The following SUPT7L variants were observed in gnomAD, a reference collection of about 807,000 sequenced individuals.
The protein encoded by SUPT7L is SPT7 like, STAGA complex subunit gamma.
A neutral mutation model predicts 35.7 loss-of-function variants in SUPT7L; 15 were observed. That is an observed-to-expected ratio of 0.42 (90% CI 0.28 to 0.65). The LOEUF is 0.65. Ranked by LOEUF, SUPT7L falls within the 30% of genes least tolerant of loss-of-function variation. The pLI is 0.23. For missense variants in SUPT7L, 434 were observed against 522.2 expected (o/e 0.83, Z 1.65); for synonymous variants, 168 against 186.2 (o/e 0.90, Z 0.79).
chr2:27,646,558 C>T (rs901523605), downstream of SUPT7L, among the ~76,000 whole-genome samples: 2 of 152,030 alleles, frequency 1.3e-5, no homozygotes, highest in African/African-American at 2.4e-5. Context: ...TTTTCATTTA[C>T]AGCCCACCTT....
chr2:27,648,404 A>G (rs1026593712), downstream of SUPT7L, among the ~76,000 whole-genome samples: 2 of 152,012 alleles, frequency 1.3e-5, no homozygotes, highest in Admixed American at 1.3e-4. Context: ...CTGTAGTTCA[A>G]GCTGTTTGGG....
intron 4 of SUPT7L, among the ~76,000 whole-genome samples, chr2:27,656,655 CAG>C (rs1434219845): frequency 6.7e-6 from 1 of 150,184 alleles, no homozygotes; most frequent in African/African-American, 2.5e-5. Flanking sequence ...TTTTTTCAGA[CAG>C]GGTCTTGCTC....
downstream of SUPT7L, chr2:27,650,771 A>G (rs1674493367): frequency 6.5e-6 from 1 of 152,828 alleles, no homozygotes; most frequent in African/African-American, 2.4e-5. Context: ...GTTTGTTGAA[A>G]AAAGTGGGCA....
the SUPT7L span, chr2:27,642,598 C>A: frequency 1.1e-6 from 1 of 886,612 alleles, no homozygotes; most frequent in Non-Finnish European, 1.8e-6. Flanking sequence ...ATTTTTGAGA[C>A]GGAGTTTCAC....
At chr2:27,648,376 G>A (rs1318727724), downstream of SUPT7L, among the ~76,000 whole-genome samples, 1 of 152,010 alleles carries the variant, frequency 6.6e-6, no homozygotes, top group African/African-American at 2.4e-5. Flanking sequence ...AAAAATAGCT[G>A]GGCATGGTTA....
Position 27,661,173 on chromosome 2 carries a change from C to T in SUPT7L, c.230G>A (p.Arg77His), listed in dbSNP as rs367572958. The T allele has an allele frequency of 3.6e-5, 58 of 1,613,926 alleles. No homozygotes were observed. Among genetic ancestry groups the T allele is most frequent in the Non-Finnish European group, 4.6e-5 (54 of 1,180,026 alleles). The change falls in exon 3 of 6, where the codon CGC becomes CAC. Residue 77 changes from arginine (R) to histidine (H), a missense_variant. Physicochemically the swap from Arg to His is conservative, Grantham distance 29. This residue lies in a region of SUPT7L where 77 missense variants were observed against 114.4 expected (regional missense o/e 0.67). Transcript: ENST00000337768. The stretch of plus-strand genomic sequence containing the variant: ...GGCCTGAGCTGTGGCAATAAGGTTG[C>T]GAAGACGTCGGTTGTGCTGAATCAA... ...IQLIQHNRRL[R>H]NLIATAQAQN...
At chr2:27,654,516 A>G (rs1461291773) in intron 5 of SUPT7L, among the ~76,000 whole-genome samples, 1 of 152,166 alleles carries the variant, frequency 6.6e-6, no homozygotes, top group Admixed American at 6.5e-5. Context: ...CCTGGCTCCT[A>G]AGGTAATCAC....
intron 5 of SUPT7L, 145 bp from the exon 6 acceptor site, chr2:27,653,892 T>C (rs1368169249): frequency 9.2e-7 from 1 of 1,083,458 alleles, no homozygotes; most frequent in Non-Finnish European, 1.3e-6. Context: ...GAGAATATGG[T>C]TGTTACTCTC....
Position 27,653,375 on chromosome 2 carries a change from T to G in SUPT7L, c.*110A>C. ...TTCCTCTGGAATTAGGAAAAACCAC[T>G]TGTGTTTAAGAACAGGAGTCAAATC... On this transcript the variant is annotated 3_prime_UTR_variant, in exon 6 of 6. Transcript: ENST00000337768. 6.9e-7 allele frequency: 1 copy of G among 1,454,982 alleles called. No homozygotes were observed. Among genetic ancestry groups the G allele is most frequent in the East Asian group, 2.3e-5 (1 of 43,708 alleles). The allele number at this position is 1,454,982 out of a possible 1,614,324, so 90.1% of individuals were successfully genotyped here.
intron 1 of SUPT7L, 22 bp from the exon 2 acceptor site, chr2:27,662,303 G>A (rs1675149362): frequency 7.5e-6 from 9 of 1,197,752 alleles, no homozygotes; most frequent in Non-Finnish European, 1.2e-6. Flanking sequence ...AAGAGAAACA[G>A]AAGCAGAATA....
rs760941180 is a variant in SUPT7L at position 27,657,626 on chromosome 2, G to A, written c.463C>T (p.Arg155Trp). 9 of 1,614,048 alleles carry A rather than the reference G, an allele frequency of 5.6e-6. No homozygotes were observed. The highest frequency in any genetic ancestry group is 2.2e-5 in the East Asian group (1 of 44,880). ...GCCACTGCCTGGTAGAGGAGCTGCC[G>A]ACAGGAGTGCCAGCTGAGTTCAGTC... is the stretch of plus-strand genomic sequence containing the variant. The part of the protein sequence containing the change: ...PVTELSWHSC[R>W]QLLYQAVATI... Residue 155 changes from arginine (R) to tryptophan (W), a missense_variant, in exon 4 of 6, where the codon CGG becomes TGG. Physicochemically the swap from Arg to Trp is moderately radical, Grantham distance 101. This residue lies in a region of SUPT7L where 198 missense variants were observed against 190.8 expected (regional missense o/e 1.04). Transcript: ENST00000337768. The surrounding 1 kb of genome is among the most constrained non-coding windows in gnomAD (Gnocchi z 5.2).
downstream of SUPT7L, chr2:27,650,059 C>T (rs1306468898): frequency 3.2e-6 from 3 of 939,876 alleles, no homozygotes; most frequent in African/African-American, 1.6e-5. Context: ...GTGACGGGCT[C>T]TAATCAGTTT....
chr2:27,647,353 C>T (rs1674286283), downstream of SUPT7L, among the ~76,000 whole-genome samples: 4 of 152,276 alleles, frequency 2.6e-5, no homozygotes, highest in South Asian at 6.2e-4. Flanking sequence ...TTTCCCCTCC[C>T]TCCTCTTCTT....
chr2:27,656,406 T>C (rs1322416956), intron 4 of SUPT7L, among the ~76,000 whole-genome samples: 1 of 152,170 alleles, frequency 6.6e-6, no homozygotes, highest in African/African-American at 2.4e-5. Flanking sequence ...TTTACTCTGT[T>C]TTTTTCATAG....
intron 4 of SUPT7L, among the ~76,000 whole-genome samples, chr2:27,656,640 T>C (rs1368097790): frequency 6.6e-6 from 1 of 151,276 alleles, no homozygotes; most frequent in African/African-American, 2.4e-5. Flanking sequence ...GTGTTCTCTT[T>C]TTTTTTTTTT....
downstream of SUPT7L, chr2:27,647,785 C>A (rs1018001952): frequency 2.1e-5 from 22 of 1,063,238 alleles, no homozygotes; most frequent in Admixed American, 3.0e-4. Flanking sequence ...CTTAGTGATT[C>A]AAGATCACCT....
rs898490116 is a variant in SUPT7L at position 27,651,368 on chromosome 2, C to T, written c.*2117G>A. 9.2e-5 allele frequency: 14 copies of T among 152,308 alleles called. No individual in the cohort carries two copies. Among genetic ancestry groups the T allele is most frequent in the African/African-American group, 3.4e-4 (14 of 41,454 alleles). The allele number at this position is 152,308 out of a possible 1,614,324, so 9.4% of individuals were successfully genotyped here. A position where few individuals can be genotyped will look rare whatever the true frequency, so the allele number is the denominator to read the frequency against. ...CCATGTGATTCTGATGCATAGTAGC[C>T]TATGACATAATTCCAGACCAGGTGA... On this transcript the variant is annotated 3_prime_UTR_variant, in exon 6 of 6. Transcript: ENST00000337768.
chr2:27,656,008 G>C (rs1329730589), intron 4 of SUPT7L, among the ~76,000 whole-genome samples: 1 of 150,928 alleles, frequency 6.6e-6, no homozygotes, highest in Non-Finnish European at 1.5e-5. Context: ...AGTATCTAGT[G>C]AGACCCCATC....
intron 5 of SUPT7L, among the ~76,000 whole-genome samples, chr2:27,654,347 C>T (rs1274339774): frequency 6.6e-6 from 1 of 152,192 alleles, no homozygotes; most frequent in Non-Finnish European, 1.5e-5. Flanking sequence ...GTGAAAGGCT[C>T]TCTGCCCAAC....
Sources: gnomAD v4.1 joint callset for allele counts (sites outside exome capture counted in the v4.1 genomes callset) on GRCh38, gnomAD v4.1.1 for gene constraint, gnomAD v4.1.1 regional missense constraint, Gnocchi (gnomAD v3.1) non-coding constraint, MANE v1.5 for transcripts, NCBI Gene and HGNC (gene_info 2026-07-23, HGNC 2026-07-21) for gene names.